The following TRPC3 variants were observed in gnomAD, a reference collection of about 807,000 sequenced individuals.
TRPC3 encodes transient receptor potential cation channel subfamily C member 3.
In TRPC3, 54 loss-of-function variants were observed where a neutral mutation model predicts 90.9. The ratio of observed to expected loss-of-function variants is 0.59; its 90% CI spans 0.48 to 0.75. TRPC3 has a LOEUF of 0.75. Among genes scored for constraint, TRPC3 ranks in the 30% least tolerant of loss-of-function variants. The pLI, the probability that TRPC3 is intolerant of heterozygous loss-of-function variation, is 0.00. For synonymous variants in TRPC3, 424 were observed against 450.9 expected, an observed-to-expected ratio of 0.94 and a Z score of 0.75; for missense variants, 918 against 1,194.5, an observed-to-expected ratio of 0.77 and a Z score of 3.41.
intron 10 of TRPC3, among the ~76,000 whole-genome samples, chr4:121,890,940 G>A (rs936071099): frequency 6.6e-6 from 1 of 151,716 alleles, no homozygotes; most frequent in Non-Finnish European, 1.5e-5. Flanking sequence ...GCAGTGAGCC[G>A]AGATCACGCC....
chr4:121,940,078 C>T (rs150804764), intron 1 of TRPC3, among the ~76,000 whole-genome samples: 1 of 152,128 alleles, frequency 6.6e-6, no homozygotes, highest in African/African-American at 2.4e-5. Flanking sequence ...TGCTGGTAGA[C>T]AGACAGGCCA....
intron 10 of TRPC3, among the ~76,000 whole-genome samples, chr4:121,891,411 TACTG>T (rs1171157738): frequency 2.0e-4 from 31 of 152,268 alleles, no homozygotes; most frequent in African/African-American, 6.7e-4. Flanking sequence ...TGGTGGTGAA[TACTG>T]ACTATGTTTA....
rs1431484831 is a variant in TRPC3, at chr4:121,879,125, A to T, written c.*611T>A. The T allele has an allele frequency of 6.6e-6, 1 of 152,142 alleles. No individual in the cohort carries two copies. Among genetic ancestry groups the T allele is most frequent in the Non-Finnish European group, 1.5e-5 (1 of 68,028 alleles). The allele number at this position is 152,142 out of a possible 1,614,324, so 9.4% of individuals were successfully genotyped here. On this transcript the variant is annotated 3_prime_UTR_variant, in exon 12 of 12. Coordinates refer to ENST00000379645, the MANE Select transcript of TRPC3 (RefSeq NM_001130698.2). Reference sequence around the variant, plus strand: ...TTTTCATTAACCCATTTTGTTGTTAAATTCTTCACTTGGGGCTCAGTGGTT... The same window carrying T: ...TTTTCATTAACCCATTTTGTTGTTATATTCTTCACTTGGGGCTCAGTGGTT...
At chr4:121,943,281 G>A (rs1730382210) in intron 1 of TRPC3, among the ~76,000 whole-genome samples, 1 of 152,086 alleles carries the variant, frequency 6.6e-6, no homozygotes, top group Non-Finnish European at 1.5e-5. Context: ...CTATAAAAAA[G>A]AATGTCACAT....
Position 121,932,232 on chromosome 4 carries a change from T to C in TRPC3, c.987+39A>G. ...GCCAGGCAGCAGCGGGGAAGTTGGG[T>C]GAGCACACAGAGCAGCCGGGGTAGA... On this transcript the variant is annotated intron_variant, in intron 2 of 11. Coordinates refer to ENST00000379645, the MANE Select transcript of TRPC3 (RefSeq NM_001130698.2). This position sits in a 1 kb window ranked among gnomAD's most constrained non-coding sequence, Gnocchi z 7.7. 1 of 1,592,644 alleles carries C rather than the reference T, an allele frequency of 6.3e-7. No homozygotes were observed. The highest frequency in any genetic ancestry group is 1.7e-5 in the Admixed American group (1 of 58,980).
rs1728928327 is a variant in TRPC3 at position 121,907,530 on chromosome 4, T to C, written c.1830A>G (p.Ile610Met). ...CAGCTATGGCATAAAGGCCTTCAGA[T>C]ATAATCTGAGGGTCAGAAGGGAGCC... ...DKWLPSDPQI[I>M]SEGLYAIAVV... The change falls in exon 7 of 12, where the codon ATA becomes ATG. Residue 610 changes from isoleucine to methionine, a missense_variant. Transcript: ENST00000379645. The C allele has an allele frequency of 1.2e-6, 2 of 1,612,656 alleles. No homozygotes were observed. The highest frequency in any genetic ancestry group is 4.5e-5 in the East Asian group (2 of 44,860).
Position 121,938,847 on chromosome 4 carries a change from T to TA in TRPC3, c.216-5806dup, listed in dbSNP as rs1189080537. On this transcript the variant is annotated intron_variant, in intron 1 of 11. Coordinates refer to ENST00000379645, the MANE Select transcript of TRPC3 (RefSeq NM_001130698.2). ...GTTTTCACCATATCACACTTCTCTT[T>TA]AAAAAAAAAAACCAAAACAGGAAAC... Among the ~76,000 whole-genome samples, 101 of 145,540 alleles carry TA rather than the reference T, an allele frequency of 6.9e-4. No homozygotes were observed. The Middle Eastern group carries it at 0.01, about 15-fold the overall frequency.
intron 2 of TRPC3, 43 bp from the exon 3 acceptor site, chr4:121,925,249 T>C: frequency 6.4e-7 from 1 of 1,564,218 alleles, no homozygotes; most frequent in East Asian, 2.3e-5. Context: ...ATAATTTGCT[T>C]TTATTCAGTG....
intron 8 of TRPC3, 22 bp from the exon 9 acceptor site, chr4:121,903,083 A>G (rs771686386): frequency 2.5e-6 from 4 of 1,574,590 alleles, no homozygotes; most frequent in Non-Finnish European, 3.4e-6. Context: ...AAATAGAAAA[A>G]AAAACTAATT....
At chr4:121,918,759 T>G (rs1378493518) in intron 3 of TRPC3, among the ~76,000 whole-genome samples, 1 of 152,202 alleles carries the variant, frequency 6.6e-6, no homozygotes, top group African/African-American at 2.4e-5. Flanking sequence ...CAGATTTTCC[T>G]CCAATGATGT....
At chr4:121,950,204 T>C (rs970109199) in intron 1 of TRPC3, among the ~76,000 whole-genome samples, 1 of 152,062 alleles carries the variant, frequency 6.6e-6, no homozygotes, top group African/African-American at 2.4e-5. Context: ...TGGGATCTAC[T>C]CCCAGCCACT....
intron 2 of TRPC3, among the ~76,000 whole-genome samples, chr4:121,931,018 G>A (rs540204066): frequency 3.3e-5 from 5 of 151,916 alleles, no homozygotes; most frequent in African/African-American, 1.2e-4. Flanking sequence ...TATTTTAATG[G>A]GTTAACAAAA....
intron 2 of TRPC3, chr4:121,930,830 T>TAAAAAAAAAAAAA (rs71599162): frequency 5.3e-6 from 1 of 190,264 alleles, no homozygotes; most frequent in Non-Finnish European, 9.3e-6. Flanking sequence ...CTCTGAGATC[T>TAAAAAAAAAAAAA]AAAAAAAAAA....
chr4:121,933,377 C>T (rs937257252), intron 1 of TRPC3: 4 of 201,634 alleles, frequency 2.0e-5, no homozygotes, highest in African/African-American at 4.6e-5. Flanking sequence ...TCGTACCTTC[C>T]GCTCTTAAAA....
At chr4:121,882,306 TC>T (rs1458506098) in intron 11 of TRPC3, 47 bp downstream of exon 11, 1 of 1,539,108 alleles carries the variant, frequency 6.5e-7, no homozygotes, top group African/African-American at 1.4e-5. Flanking sequence ...TTTTCCAGGT[TC>T]ATTAAGTTAG....
chr4:121,941,827 T>A (rs531273680), intron 1 of TRPC3, among the ~76,000 whole-genome samples: 2 of 152,102 alleles, frequency 1.3e-5, no homozygotes, highest in Non-Finnish European at 2.9e-5. Flanking sequence ...TAATATATAT[T>A]TTTTGGAGGG....
intron 1 of TRPC3, among the ~76,000 whole-genome samples, chr4:121,937,592 G>A: frequency 6.6e-6 from 1 of 152,270 alleles, no homozygotes; most frequent in East Asian, 1.9e-4. Context: ...AAAGGTTATT[G>A]TATCTTTTCA....
At chr4:121,911,386 G>A (rs1246428432) in intron 5 of TRPC3, among the ~76,000 whole-genome samples, 1 of 152,092 alleles carries the variant, frequency 6.6e-6, no homozygotes. Context: ...AAATAGGTTG[G>A]TGCAAAAGTA....
At chr4:121,907,658 A>C in intron 6 of TRPC3, 91 bp from the exon 7 acceptor site, 1 of 1,398,030 alleles carries the variant, frequency 7.2e-7, no homozygotes, top group Non-Finnish European at 9.7e-7. Context: ...TCTATCTTGT[A>C]GGTAGGTGGT....
Sources: allele counts gnomAD v4.1 joint callset (sites outside exome capture counted in the v4.1 genomes callset), GRCh38; gene constraint gnomAD v4.1.1; non-coding constraint Gnocchi (gnomAD v3.1); transcripts MANE v1.5; gene names NCBI Gene and HGNC (gene_info 2026-07-23, HGNC 2026-07-21).